Variants in CDH13 observed in about 807,000 individuals in gnomAD.
CDH13 encodes the protein cadherin-13.
CDH13 carries 24 observed loss-of-function variants against 63.8 expected under a neutral mutation model. The observed-to-expected ratio is 0.38, with a 90% confidence interval of 0.27 to 0.53. The LOEUF is 0.53. Among genes scored for constraint, CDH13 ranks in the 20% least tolerant of loss-of-function variants. The pLI, the probability that CDH13 is intolerant of heterozygous loss-of-function variation, is 0.85. For synonymous variants in CDH13, 503 were observed against 355.3 expected (o/e 1.42, Z -4.67); for missense variants, 1,049 against 903.1 (o/e 1.16, Z -2.07).
At chr16:83,748,367 G>A (rs757988521) in intron 11 of CDH13, 117 bp downstream of exon 11, 2 of 885,404 alleles carry the variant, frequency 2.3e-6, no homozygotes, top group Non-Finnish European at 3.4e-6. Flanking sequence ...TAAGTGTGTG[G>A]GAACAGCAAA....
At chr16:83,759,113 G>T (rs1051942097) in intron 11 of CDH13, among the ~76,000 whole-genome samples, 4 of 152,172 alleles carry the variant, frequency 2.6e-5, no homozygotes, top group African/African-American at 9.6e-5. Flanking sequence ...ATAAGTTGTA[G>T]AACTTACACT....
intron 11 of CDH13, among the ~76,000 whole-genome samples, chr16:83,770,170 T>C (rs1914668039): frequency 6.6e-6 from 1 of 152,142 alleles, no homozygotes; most frequent in Non-Finnish European, 1.5e-5. Flanking sequence ...CCTGGTTCAG[T>C]TCTACAGGCT....
chr16:83,523,979 A>G (rs2074899165), intron 7 of CDH13, among the ~76,000 whole-genome samples: 1 of 152,194 alleles, frequency 6.6e-6, no homozygotes, highest in East Asian at 1.9e-4. Context: ...CCCCAGGAGT[A>G]TTTGCACCTC....
intron 5 of CDH13, among the ~76,000 whole-genome samples, chr16:83,257,688 A>C (rs1906465000): frequency 6.6e-6 from 1 of 152,168 alleles, no homozygotes; most frequent in Non-Finnish European, 1.5e-5. Flanking sequence ...TTTAAGTTGA[A>C]TCCATGTCTT....
intron 7 of CDH13, among the ~76,000 whole-genome samples, chr16:83,574,337 C>T (rs1363540796): frequency 1.3e-5 from 2 of 152,130 alleles, no homozygotes; most frequent in African/African-American, 4.8e-5. Flanking sequence ...GCCTCAAGGT[C>T]GGCCTGATTA....
At chr16:82,634,309 T>C (rs1157086722) in intron 1 of CDH13, among the ~76,000 whole-genome samples, 1 of 152,220 alleles carries the variant, frequency 6.6e-6, no homozygotes, top group African/African-American at 2.4e-5. Context: ...AACCGCTTTC[T>C]TGTGTTGTGT....
At chr16:83,006,690 C>G (rs981761194) in intron 2 of CDH13, among the ~76,000 whole-genome samples, 1 of 152,144 alleles carries the variant, frequency 6.6e-6, no homozygotes, top group African/African-American at 2.4e-5. Context: ...GAGTTTGAAG[C>G]TAGCCAGGAG....
intron 11 of CDH13, among the ~76,000 whole-genome samples, chr16:83,769,984 T>A (rs956550957): frequency 2.0e-4 from 30 of 152,110 alleles, no homozygotes. Context: ...TGGGCCAGGG[T>A]GCAGCCTGAT....
At chr16:82,958,979 C>A (rs1049822799) in intron 2 of CDH13, among the ~76,000 whole-genome samples, 1 of 152,228 alleles carries the variant, frequency 6.6e-6, no homozygotes, top group Non-Finnish European at 1.5e-5. Flanking sequence ...AAATTTACAA[C>A]GTGCTTAGAC....
chr16:83,324,489 G>A (rs1286583793), intron 5 of CDH13, among the ~76,000 whole-genome samples: 1 of 152,160 alleles, frequency 6.6e-6, no homozygotes, highest in African/African-American at 2.4e-5. Flanking sequence ...TTTAATGAAA[G>A]GAATCATGCA....
At chr16:83,436,154 C>T (rs1003697596) in intron 6 of CDH13, among the ~76,000 whole-genome samples, 1 of 152,098 alleles carries the variant, frequency 6.6e-6, no homozygotes, top group Non-Finnish European at 1.5e-5. Context: ...GTGGAGATGC[C>T]CTGCTCTAGA....
chr16:82,987,113 C>A (rs901250493), intron 2 of CDH13, among the ~76,000 whole-genome samples: 1 of 152,192 alleles, frequency 6.6e-6, no homozygotes, highest in Non-Finnish European at 1.5e-5. Context: ...TGAGGAGCGG[C>A]TGTAGCACTG....
At chr16:82,766,388 G>A (rs553246356) in intron 1 of CDH13, among the ~76,000 whole-genome samples, 1 of 152,312 alleles carries the variant, frequency 6.6e-6, no homozygotes, top group South Asian at 2.1e-4. Context: ...ATGATCTGAG[G>A]TTGGGGAATA....
At chr16:83,764,994 G>A (rs976000109) in intron 11 of CDH13, among the ~76,000 whole-genome samples, 1 of 152,156 alleles carries the variant, frequency 6.6e-6, no homozygotes, top group Non-Finnish European at 1.5e-5. Flanking sequence ...CTCTCTACAA[G>A]GTATTCTCAT....
At chr16:83,668,873 C>T (rs1316793370) in intron 8 of CDH13, among the ~76,000 whole-genome samples, 1 of 152,232 alleles carries the variant, frequency 6.6e-6, no homozygotes, top group African/African-American at 2.4e-5. Context: ...TAATTGATCA[C>T]AGCATTCTTT....
intron 3 of CDH13, among the ~76,000 whole-genome samples, chr16:83,083,563 C>G (rs777680052): frequency 1.8e-4 from 27 of 152,100 alleles, no homozygotes; most frequent in Non-Finnish European, 3.4e-4. Flanking sequence ...ACACATCAGC[C>G]CCACCGAAAT....
chr16:83,124,686 A>G (rs1255564229), intron 3 of CDH13, among the ~76,000 whole-genome samples: 1 of 152,084 alleles, frequency 6.6e-6, no homozygotes, highest in Non-Finnish European at 1.5e-5. Flanking sequence ...TAATTTTTGT[A>G]TATGGTGAAA....
At chr16:83,581,509 C>G (rs1905595160) in intron 7 of CDH13, among the ~76,000 whole-genome samples, 1 of 152,172 alleles carries the variant, frequency 6.6e-6, no homozygotes, top group Non-Finnish European at 1.5e-5. Context: ...GAAGTCTTCT[C>G]AGGCCACCCT....
intron 6 of CDH13, among the ~76,000 whole-genome samples, chr16:83,430,505 T>G (rs1455295245): frequency 6.6e-6 from 1 of 152,236 alleles, no homozygotes; most frequent in East Asian, 1.9e-4. Flanking sequence ...ACTCCCTGAA[T>G]TGAAAGCAAA....
Sources: gnomAD v4.1 joint callset for allele counts (sites outside exome capture counted in the v4.1 genomes callset) on GRCh38, gnomAD v4.1.1 for gene constraint, MANE v1.5 for transcripts, NCBI Gene and HGNC (gene_info 2026-07-23, HGNC 2026-07-21) for gene names.